Variants in NRG1 observed in about 807,000 individuals in gnomAD.
NRG1 encodes the protein pro-neuregulin-1, membrane-bound isoform.
NRG1 carries 18 observed loss-of-function variants against 63.8 expected under a neutral mutation model. The ratio of observed to expected loss-of-function variants is 0.28; its 90% CI spans 0.19 to 0.42. The LOEUF is 0.42. NRG1 is among the 10% of genes least tolerant of loss of function. The pLI is 1.00. For synonymous variants in NRG1, 302 were observed against 301.3 expected, an observed-to-expected ratio of 1.00 and a Z score of -0.02; for missense variants, 762 against 814.7, an observed-to-expected ratio of 0.94 and a Z score of 0.79.
intron 1 of NRG1, among the ~76,000 whole-genome samples, chr8:31,816,150 T>C (rs1823421782): frequency 6.6e-6 from 1 of 152,236 alleles, no homozygotes; most frequent in Admixed American, 6.5e-5. Flanking sequence ...TGATTGCTTA[T>C]GTTTAGCAAA....
intron 1 of NRG1, among the ~76,000 whole-genome samples, chr8:31,902,910 G>C (rs1832208425): frequency 6.6e-6 from 1 of 152,116 alleles, no homozygotes; most frequent in Non-Finnish European, 1.5e-5. Flanking sequence ...GAACGTAACA[G>C]GAATAATGCT....
At chr8:32,279,903 C>T (rs1358939594) in intron 1 of NRG1, among the ~76,000 whole-genome samples, 5 of 152,158 alleles carry the variant, frequency 3.3e-5, no homozygotes, top group African/African-American at 7.2e-5. Flanking sequence ...CACTCAGGCA[C>T]GTAGGTAGCT....
intron 1 of NRG1, among the ~76,000 whole-genome samples, chr8:31,877,766 A>T (rs1165734646): frequency 6.6e-6 from 1 of 152,096 alleles, no homozygotes; most frequent in Non-Finnish European, 1.5e-5. Context: ...TTATTTTATC[A>T]TCTCAATGAC....
intron 1 of NRG1, among the ~76,000 whole-genome samples, chr8:32,583,798 G>A (rs371708715): frequency 5.9e-5 from 9 of 152,246 alleles, no homozygotes; most frequent in African/African-American, 1.9e-4. Flanking sequence ...TGTTCAGCAC[G>A]AAAAAAGCTG....
intron 1 of NRG1, among the ~76,000 whole-genome samples, chr8:32,473,983 C>A (rs1824167918): frequency 6.6e-6 from 1 of 152,164 alleles, no homozygotes; most frequent in Admixed American, 6.5e-5. Context: ...CTGAGCCCAG[C>A]CCCACCCTTA....
chr8:31,733,761 T>C (rs559286019), intron 1 of NRG1, among the ~76,000 whole-genome samples: 21 of 152,164 alleles, frequency 1.4e-4, no homozygotes, highest in Non-Finnish European at 2.9e-4. Flanking sequence ...ATGGGTTCTG[T>C]ACATGTCACA....
chr8:32,082,202 G>GT (rs11385699), intron 1 of NRG1, among the ~76,000 whole-genome samples: 132,463 of 147,764 alleles, frequency 0.9, 60,846 homozygotes, highest in Non-Finnish European at 1. Context: ...CAACCTAGTG[G>GT]TTTTTTTTTT....
At chr8:32,543,944 C>G (rs1832808597), upstream of NRG1, among the ~76,000 whole-genome samples, 1 of 152,152 alleles carries the variant, frequency 6.6e-6, no homozygotes, top group Non-Finnish European at 1.5e-5. Context: ...TGCTAAGAGT[C>G]TAACTGAACA....
intron 1 of NRG1, among the ~76,000 whole-genome samples, chr8:31,879,001 A>G (rs1260505505): frequency 3.3e-5 from 5 of 152,032 alleles, no homozygotes; most frequent in African/African-American, 1.2e-4. Context: ...CTCCATCTCA[A>G]GAAAAAAAAA....
chr8:32,270,935 T>G (rs2129472406), intron 1 of NRG1, among the ~76,000 whole-genome samples: 1 of 152,300 alleles, frequency 6.6e-6, no homozygotes, highest in Non-Finnish European at 1.5e-5. Flanking sequence ...TCACCAATGG[T>G]TTTATTTTCT....
At chr8:31,953,970 T>C (rs1803919433) in intron 1 of NRG1, among the ~76,000 whole-genome samples, 1 of 152,196 alleles carries the variant, frequency 6.6e-6, no homozygotes, top group African/African-American at 2.4e-5. Flanking sequence ...TTTTCCTCTA[T>C]AAAATCTGGC....
At chr8:32,213,531 C>T (rs566044221) in intron 1 of NRG1, among the ~76,000 whole-genome samples, 3 of 151,890 alleles carry the variant, frequency 2.0e-5, no homozygotes, top group South Asian at 4.2e-4. Flanking sequence ...GGTGATGGGT[C>T]GATAGGTGCA....
intron 1 of NRG1, among the ~76,000 whole-genome samples, chr8:32,557,288 T>C (rs1160772929): frequency 6.6e-6 from 1 of 152,216 alleles, no homozygotes; most frequent in Non-Finnish European, 1.5e-5. Context: ...ATTACAGGCA[T>C]GAGCCACTGC....
chr8:32,773,755 AT>A (rs1831939741), intron 7 of NRG1, among the ~76,000 whole-genome samples: 1 of 152,022 alleles, frequency 6.6e-6, no homozygotes, highest in South Asian at 2.1e-4. Flanking sequence ...TGCAGAACTT[AT>A]TGTGTCAATC....
intron 1 of NRG1, among the ~76,000 whole-genome samples, chr8:31,666,396 G>C (rs1806543951): frequency 6.6e-6 from 1 of 152,132 alleles, no homozygotes; most frequent in Non-Finnish European, 1.5e-5. Flanking sequence ...AGAGGAAAGT[G>C]GGGAGGTGGT....
intron 1 of NRG1, among the ~76,000 whole-genome samples, chr8:32,579,264 A>G (rs938659885): frequency 6.8e-6 from 1 of 147,248 alleles, no homozygotes; most frequent in African/African-American, 2.5e-5. Flanking sequence ...TTATGTTTAA[A>G]TATAAAAATT....
At chr8:32,235,399 A>C (rs987099802) in intron 1 of NRG1, among the ~76,000 whole-genome samples, 1 of 152,158 alleles carries the variant, frequency 6.6e-6, no homozygotes. Context: ...TCTCCAAAAA[A>C]TGAAAAACAG....
At chr8:32,529,935 T>G (rs1004575275) in intron 1 of NRG1, among the ~76,000 whole-genome samples, 6 of 152,064 alleles carry the variant, frequency 3.9e-5, no homozygotes, top group African/African-American at 1.4e-4. Context: ...AGTAACATAG[T>G]CATTTAGTGT....
intron 1 of NRG1, among the ~76,000 whole-genome samples, chr8:32,313,274 G>A (rs1035247608): frequency 4.6e-5 from 7 of 152,198 alleles, no homozygotes; most frequent in Admixed American, 1.3e-4. Context: ...AACCTTTACC[G>A]GAGGCAACTT....
Sources: gnomAD v4.1 joint callset for allele counts (sites outside exome capture counted in the v4.1 genomes callset) on GRCh38, gnomAD v4.1.1 for gene constraint, MANE v1.5 for transcripts, NCBI Gene and HGNC (gene_info 2026-07-23, HGNC 2026-07-21) for gene names.